The following TBC1D5 variants were observed in gnomAD, a reference collection of about 807,000 sequenced individuals.
The protein encoded by TBC1D5 is TBC1 domain family member 5, also known as TBC1 domain family, member 5.
Under a neutral mutation model 100.3 loss-of-function variants are expected in TBC1D5, and 75 were observed. The ratio of observed to expected loss-of-function variants is 0.75; its 90% CI spans 0.62 to 0.91. The LOEUF (loss-of-function observed/expected upper bound fraction) is 0.91. Ranked by LOEUF, TBC1D5 falls within the 40% of genes least tolerant of loss-of-function variation. The pLI is 0.00. For synonymous variants in TBC1D5, 323 were observed against 325.6 expected (o/e 0.99, Z 0.09); for missense variants, 910 against 942.4 (o/e 0.97, Z 0.45).
chr3:17,342,272 T>C (rs2089099179), intron 13 of TBC1D5, among the ~76,000 whole-genome samples: 1 of 152,220 alleles, frequency 6.6e-6, no homozygotes, highest in South Asian at 2.1e-4. Flanking sequence ...CCTTCTTACA[T>C]ACATTTGGAG....
intron 4 of TBC1D5, among the ~76,000 whole-genome samples, chr3:17,412,634 A>G (rs1324216686): frequency 1.3e-5 from 2 of 152,180 alleles, no homozygotes; most frequent in East Asian, 3.8e-4. Context: ...AATGTGCCTG[A>G]AAAGCAAAAA....
At chr3:17,553,721 C>G (rs973322235) in intron 2 of TBC1D5, among the ~76,000 whole-genome samples, 5 of 152,184 alleles carry the variant, frequency 3.3e-5, no homozygotes, top group Admixed American at 1.3e-4. Flanking sequence ...AGTGCTGCCT[C>G]CACTGGAAGT....
At chr3:17,262,274 A>G (rs1239970600) in intron 15 of TBC1D5, among the ~76,000 whole-genome samples, 1 of 152,214 alleles carries the variant, frequency 6.6e-6, no homozygotes, top group African/African-American at 2.4e-5. Flanking sequence ...TACAGTAGAC[A>G]GGTACAACAC....
intron 2 of TBC1D5, among the ~76,000 whole-genome samples, chr3:17,619,812 T>C (rs981694769): frequency 3.9e-5 from 6 of 152,202 alleles, no homozygotes; most frequent in Non-Finnish European, 5.9e-5. Flanking sequence ...TTGCAACATA[T>C]ATCACAGATA....
chr3:17,606,280 A>T (rs1344338911), intron 2 of TBC1D5, among the ~76,000 whole-genome samples: 2 of 152,048 alleles, frequency 1.3e-5, no homozygotes, highest in East Asian at 3.8e-4. Flanking sequence ...CAGCTCCACA[A>T]AAAAATTAAA....
intron 2 of TBC1D5, among the ~76,000 whole-genome samples, chr3:17,574,164 CAT>C (rs2096643902): frequency 6.6e-6 from 1 of 152,042 alleles, no homozygotes; most frequent in African/African-American, 2.4e-5. Flanking sequence ...AAATACCTCA[CAT>C]GTTCCTGAAA....
chr3:17,431,908 T>C (rs2094453080), intron 3 of TBC1D5, among the ~76,000 whole-genome samples: 1 of 152,258 alleles, frequency 6.6e-6, no homozygotes, highest in South Asian at 2.1e-4. Context: ...TTGAAATCTT[T>C]CTAAAGGGAG....
chr3:17,678,666 T>TAA (rs150614567), intron 1 of TBC1D5, among the ~76,000 whole-genome samples: 2,785 of 108,932 alleles, frequency 0.026, 54 homozygotes, highest in Non-Finnish European at 0.032. Flanking sequence ...AAAAGAGGGA[T>TAA]AAAAAAAAAA....
At chr3:17,709,858 C>T (rs1159116595) in intron 1 of TBC1D5, among the ~76,000 whole-genome samples, 2 of 152,058 alleles carry the variant, frequency 1.3e-5, no homozygotes, top group African/African-American at 4.8e-5. Context: ...GAGCTATCAA[C>T]AACATGCATA....
intron 16 of TBC1D5, among the ~76,000 whole-genome samples, chr3:17,250,139 A>C (rs1274101365): frequency 6.6e-6 from 1 of 152,250 alleles, no homozygotes; most frequent in African/African-American, 2.4e-5. Flanking sequence ...AATAATCCCC[A>C]GTTAGAATTG....
chr3:17,291,820 A>G, intron 15 of TBC1D5, 75 bp downstream of exon 15: 1 of 1,342,038 alleles, frequency 7.5e-7, no homozygotes, highest in Non-Finnish European at 1.0e-6. Context: ...CACATTTGGA[A>G]TTCTTAGACT....
At chr3:17,649,719 G>A (rs1478191731) in intron 1 of TBC1D5, among the ~76,000 whole-genome samples, 1 of 152,158 alleles carries the variant, frequency 6.6e-6, no homozygotes, top group Non-Finnish European at 1.5e-5. Flanking sequence ...TTCAACCATT[G>A]TGGAAGACAG....
In TBC1D5 at chr3:17,329,935, G is replaced by A. The variant is rs538117007; in HGVS notation, c.996-21801C>T. 1.0e-3 allele frequency among the ~76,000 whole-genome samples: 154 copies of A among 152,204 alleles called. 1 individual carries two copies. Among genetic ancestry groups the A allele is most frequent in the African/African-American group, 3.6e-3 (149 of 41,516 alleles). On this transcript the variant is annotated intron_variant, in intron 13 of 21. Coordinates refer to ENST00000253692, the Ensembl canonical transcript of TBC1D5. Reference sequence around the variant, plus strand: ...GGGCTACAACTAAAAAGCATTTTAGGAGAAACTTAAGAATATTAGCAGGCT... The same window carrying A: ...GGGCTACAACTAAAAAGCATTTTAGAAGAAACTTAAGAATATTAGCAGGCT...
intron 8 of TBC1D5, among the ~76,000 whole-genome samples, chr3:17,397,341 T>C (rs1265210240): frequency 1.3e-5 from 2 of 152,134 alleles, no homozygotes; most frequent in East Asian, 3.9e-4. Context: ...GGCATACATA[T>C]ACACTATAAA....
intron 1 of TBC1D5, among the ~76,000 whole-genome samples, chr3:17,628,661 A>G (rs992326605): frequency 2.0e-5 from 3 of 152,232 alleles, no homozygotes; most frequent in East Asian, 3.8e-4. Flanking sequence ...TTAAAGCTTT[A>G]TAATATATAA....
chr3:17,224,197 G>A (rs912199817), intron 17 of TBC1D5, among the ~76,000 whole-genome samples: 4 of 152,148 alleles, frequency 2.6e-5, no homozygotes, highest in African/African-American at 7.2e-5. Context: ...GGCAGGAAGT[G>A]TGGTCATTAC....
rs1002295284 is a variant in TBC1D5 at position 17,171,282 on chromosome 3, G to GA, written c.1853-3455dup. Among the ~76,000 whole-genome samples the GA allele has an allele frequency of 1.0e-4, 15 of 149,012 alleles. No homozygotes were observed. In the East Asian group the frequency reaches 2.5e-3, roughly 25 times the overall value. On this transcript the variant is annotated intron_variant, in intron 19 of 21. Coordinates refer to ENST00000253692, the Ensembl canonical transcript of TBC1D5. ...CTACCTATGGGCTTCTTTCAGTTGTGAAAAAAAAAAGTAACCTCTTGATTT... is the reference window on the plus strand; with the variant it reads ...CTACCTATGGGCTTCTTTCAGTTGTGAAAAAAAAAAAGTAACCTCTTGATTT...
At chr3:17,633,110 C>T (rs1484809659) in intron 1 of TBC1D5, among the ~76,000 whole-genome samples, 1 of 152,096 alleles carries the variant, frequency 6.6e-6, no homozygotes, top group Non-Finnish European at 1.5e-5. Flanking sequence ...TTAATACACC[C>T]TCCTGAAATA....
At position 17,698,098 on chromosome 3, in the gene TBC1D5, C is replaced by A. The variant is rs942433880; in HGVS notation, c.-101+41245G>T. 4.1e-4 allele frequency among the ~76,000 whole-genome samples: 62 copies of A among 149,788 alleles called. 1 individual carries two copies. Among genetic ancestry groups the A allele is most frequent in the African/African-American group, 1.4e-3 (58 of 40,706 alleles). ...CCACATTGCCAAGTCAATCCTAAGC[C>A]AAAAGAACAAAGCTGGAGGCATCAT... On this transcript the variant is annotated intron_variant, in intron 1 of 21. Coordinates refer to ENST00000253692, the Ensembl canonical transcript of TBC1D5.
Sources: gnomAD v4.1 joint callset for allele counts (sites outside exome capture counted in the v4.1 genomes callset) on GRCh38, gnomAD v4.1.1 for gene constraint, MANE v1.5 for transcripts, NCBI Gene and HGNC (gene_info 2026-07-23, HGNC 2026-07-21) for gene names.